The following ATRN variants were observed in gnomAD, a reference collection of about 807,000 sequenced individuals.
ATRN encodes the protein attractin.
Under a neutral mutation model 178.7 loss-of-function variants are expected in ATRN, and 54 were observed. The observed-to-expected ratio is 0.30, with a 90% CI of 0.24 to 0.38. The LOEUF (loss-of-function observed/expected upper bound fraction) is 0.38. Among genes scored for constraint, ATRN ranks in the 10% least tolerant of loss-of-function variants. The pLI, the probability that ATRN is intolerant of heterozygous loss-of-function variation, is 1.00. For synonymous variants in ATRN, 636 were observed against 663.0 expected, an observed-to-expected ratio of 0.96 and a Z score of 0.63; for missense variants, 1,443 against 1,815.1, an observed-to-expected ratio of 0.79 and a Z score of 3.73.
In ATRN at chr20:3,576,909, C is replaced by T. The variant is rs2086220471; in HGVS notation, c.2265C>T (p.Tyr755=). ...ENCPKDNPMY[Y]CNKKTSCRSC... Reference sequence around the variant, plus strand: ...GCCCCAAGGATAACCCCATGTACTACTGTAACAAGAAGACCAGCTGCAGGA... The same window carrying T: ...GCCCCAAGGATAACCCCATGTACTATTGTAACAAGAAGACCAGCTGCAGGA... The change falls in exon 14 of 29, where the codon TAC becomes TAT. Residue 755 remains tyrosine, a synonymous_variant. Transcript: ENST00000262919. 1 of 1,614,144 alleles carries T rather than the reference C, an allele frequency of 6.2e-7. No homozygotes were observed. The highest frequency in any genetic ancestry group is 8.5e-7 in the Non-Finnish European group (1 of 1,180,006).
chr20:3,549,474 T>G, intron 6 of ATRN, 136 bp downstream of exon 6: 1 of 762,526 alleles, frequency 1.3e-6, no homozygotes, highest in Non-Finnish European at 1.9e-6. Flanking sequence ...GGTAGTAGTC[T>G]TTCAAAGTGT....
At position 3,471,155 on chromosome 20, in the gene ATRN, G is replaced by T. The variant is rs1457144125; in HGVS notation, c.48G>T (p.Thr16=). Residue 16 remains threonine (T), a synonymous_variant, in exon 1 of 29, where the codon ACG becomes ACT. Transcript: ENST00000262919. The part of the protein sequence containing the change: ...AATEARLRRR[T]AATAALAGRS... ...CTGAGGCAAGGCTGAGGAGGAGGACGGCGGCGACGGCAGCGCTCGCGGGCA... is the reference window on the plus strand; with the variant it reads ...CTGAGGCAAGGCTGAGGAGGAGGACTGCGGCGACGGCAGCGCTCGCGGGCA... 1.3e-6 allele frequency: 2 copies of T among 1,506,642 alleles called. No homozygotes were observed. Among genetic ancestry groups the T allele is most frequent in the Admixed American group, 2.1e-5 (1 of 48,708 alleles). 93.3% of individuals were successfully genotyped at this position (1,506,642 alleles called of 1,614,324 possible).
chr20:3,492,812 C>CAG (rs1180913119), intron 1 of ATRN, among the ~76,000 whole-genome samples: 4 of 147,562 alleles, frequency 2.7e-5, no homozygotes, highest in Admixed American at 6.8e-5. Flanking sequence ...CTGTACTGTC[C>CAG]AGAGAGAGAG....
chr20:3,540,364 A>G (rs775884774), intron 3 of ATRN, 29 bp downstream of exon 3: 3 of 1,386,394 alleles, frequency 2.2e-6, no homozygotes, highest in South Asian at 1.2e-5. Context: ...GCCTTCTTTC[A>G]TCGTTTGATT....
intron 6 of ATRN, among the ~76,000 whole-genome samples, chr20:3,553,907 A>G (rs2085824213): frequency 6.6e-6 from 1 of 151,952 alleles, no homozygotes. Context: ...ATTTTTTGTT[A>G]TGTCAGTGCA....
chr20:3,644,237 C>T lies in ATRN; in HGVS notation c.4134C>T (p.Gly1378=), dbSNP rs1196497010. 1.9e-6 allele frequency: 3 copies of T among 1,614,156 alleles called. No homozygotes were observed. The highest frequency in any genetic ancestry group is 1.7e-5 in the Admixed American group (1 of 60,028). Residue 1378 remains glycine (G), a synonymous_variant, in exon 28 of 29, where the codon GGC becomes GGT. Transcript: ENST00000262919. ...CTGTGTTTGTGAGGCTCCCTCGAGGCCTGGGTGGCATCCCTCCTCCTGGGC... is the reference window on the plus strand; with the variant it reads ...CTGTGTTTGTGAGGCTCCCTCGAGGTCTGGGTGGCATCCCTCCTCCTGGGC... ...VLSVFVRLPR[G]LGGIPPPGQS...
intron 25 of ATRN, among the ~76,000 whole-genome samples, chr20:3,628,617 A>G (rs1397424552): frequency 6.6e-6 from 1 of 152,114 alleles, no homozygotes; most frequent in African/African-American, 2.4e-5. Context: ...ATCAGATCTA[A>G]AAATCATAGT....
At chr20:3,619,323 G>C (rs1202564881) in intron 24 of ATRN, among the ~76,000 whole-genome samples, 1 of 152,220 alleles carries the variant, frequency 6.6e-6, no homozygotes, top group Admixed American at 6.5e-5. Flanking sequence ...GCTACATAAA[G>C]TGTAATTAGT....
intron 1 of ATRN, among the ~76,000 whole-genome samples, chr20:3,519,154 A>T (rs1159117192): frequency 6.6e-6 from 1 of 152,056 alleles, no homozygotes; most frequent in Admixed American, 6.6e-5. Flanking sequence ...GCACCCATTT[A>T]TGTAGTGTGT....
chr20:3,576,002 A>T lies in ATRN; in HGVS notation c.2214+54A>T. On this transcript the variant is annotated intron_variant, in intron 13 of 28. Transcript: ENST00000262919. ...AAAAATCCCAATTTGTCATAGGTTTAGCTTTTATAGTGTATATGGTATAAA... is the reference window on the plus strand; with the variant it reads ...AAAAATCCCAATTTGTCATAGGTTTTGCTTTTATAGTGTATATGGTATAAA... 3 of 1,588,582 alleles carry T rather than the reference A, an allele frequency of 1.9e-6. No individual in the cohort carries two copies. The South Asian group carries it at 3.4e-5, about 18-fold the overall frequency.
chr20:3,528,294 G>A (rs1260733713), intron 1 of ATRN, among the ~76,000 whole-genome samples: 1 of 152,030 alleles, frequency 6.6e-6, no homozygotes, highest in African/African-American at 2.4e-5. Context: ...TGGAACCCAG[G>A]AGGCGGAGGT....
At chr20:3,492,768 G>T (rs1029406774) in intron 1 of ATRN, among the ~76,000 whole-genome samples, 15 of 151,062 alleles carry the variant, frequency 9.9e-5, no homozygotes, top group Non-Finnish European at 1.9e-4. Flanking sequence ...GATCAGGGTT[G>T]AATTTTGTTG....
At chr20:3,559,689 A>G (rs1193983989) in intron 7 of ATRN, among the ~76,000 whole-genome samples, 1 of 152,196 alleles carries the variant, frequency 6.6e-6, no homozygotes, top group Non-Finnish European at 1.5e-5. Flanking sequence ...TCAAACTGTA[A>G]TGGGGTATTA....
chr20:3,624,218 G>A (rs1455546529), intron 24 of ATRN, among the ~76,000 whole-genome samples: 2 of 152,176 alleles, frequency 1.3e-5, no homozygotes, highest in Non-Finnish European at 2.9e-5. Flanking sequence ...GGGAGCGCCA[G>A]GCTTCATGGA....
chr20:3,507,772 C>T (rs982853715), intron 1 of ATRN, among the ~76,000 whole-genome samples: 4 of 149,782 alleles, frequency 2.7e-5, no homozygotes, highest in African/African-American at 7.4e-5. Context: ...GCAACCTCCA[C>T]CTCCCAGGTT....
At chr20:3,601,150 C>A (rs2086602742) in intron 23 of ATRN, 126 bp downstream of exon 23, 1 of 709,404 alleles carries the variant, frequency 1.4e-6, no homozygotes, top group Non-Finnish European at 2.4e-6. Flanking sequence ...CACTTACTAG[C>A]TATGAGACCT....
chr20:3,513,725 G>T (rs561289430), intron 1 of ATRN, among the ~76,000 whole-genome samples: 1 of 152,280 alleles, frequency 6.6e-6, no homozygotes, highest in South Asian at 2.1e-4. Context: ...CTATCCATGA[G>T]CATGGAATGT....
intron 23 of ATRN, 40 bp downstream of exon 23, chr20:3,601,064 T>G (rs767493407): frequency 6.5e-7 from 1 of 1,536,294 alleles, no homozygotes; most frequent in South Asian, 1.1e-5. Context: ...AATGAAGGTG[T>G]GGTAGATTAA....
At chr20:3,614,654 A>T (rs1156549510) in intron 24 of ATRN, among the ~76,000 whole-genome samples, 1 of 152,174 alleles carries the variant, frequency 6.6e-6, no homozygotes, top group African/African-American at 2.4e-5. Flanking sequence ...CATCATTTAC[A>T]TACCATACAG....
Sources: allele counts gnomAD v4.1 joint callset (sites outside exome capture counted in the v4.1 genomes callset), GRCh38; gene constraint gnomAD v4.1.1; transcripts MANE v1.5; gene names NCBI Gene and HGNC (gene_info 2026-07-23, HGNC 2026-07-21).